The following SEMA3A variants were observed in gnomAD, a reference collection of about 807,000 sequenced individuals.
SEMA3A encodes the protein semaphorin 3A, also known as semaphorin-3A.
Under a neutral mutation model 97.9 loss-of-function variants are expected in SEMA3A, and 29 were observed. That is an observed-to-expected ratio of 0.30 (90% CI 0.22 to 0.40). SEMA3A has a LOEUF of 0.40. Ranked by LOEUF, SEMA3A falls within the 10% of genes least tolerant of loss-of-function variation. SEMA3A has a pLI of 1.00. For missense variants in SEMA3A, 763 were observed against 951.3 expected, an observed-to-expected ratio of 0.80 and a Z score of 2.60; for synonymous variants, 321 against 323.7, an observed-to-expected ratio of 0.99 and a Z score of 0.09.
chr7:84,386,966 C>A (rs573563162), intron 1 of SEMA3A, among the ~76,000 whole-genome samples: 1 of 152,052 alleles, frequency 6.6e-6, no homozygotes, highest in Non-Finnish European at 1.5e-5. Context: ...CACCACTGCA[C>A]TCCAGCCTGG....
intron 2 of SEMA3A, among the ~76,000 whole-genome samples, chr7:84,325,892 T>C (rs942841732): frequency 2.0e-5 from 3 of 152,208 alleles, no homozygotes; most frequent in Middle Eastern, 3.4e-3. Flanking sequence ...TTGTATCCTC[T>C]GGCCAACATC....
intron 3 of SEMA3A, among the ~76,000 whole-genome samples, chr7:84,204,551 TA>T (rs1482424886): frequency 2.0e-5 from 3 of 152,114 alleles, no homozygotes; most frequent in African/African-American, 7.2e-5. Context: ...AAATGCCCTT[TA>T]GGAGAAACAG....
chr7:84,419,019 CACTG>C (rs1329945732), intron 1 of SEMA3A, among the ~76,000 whole-genome samples: 2 of 151,840 alleles, frequency 1.3e-5, no homozygotes. Flanking sequence ...TTCTGGAGAA[CACTG>C]ACTAATACAA....
chr7:84,093,860 A>C (rs1794666720), intron 4 of SEMA3A, among the ~76,000 whole-genome samples: 1 of 151,938 alleles, frequency 6.6e-6, no homozygotes, highest in Non-Finnish European at 1.5e-5. Context: ...TTAGGTGATA[A>C]GTGCAGCAAA....
intron 1 of SEMA3A, among the ~76,000 whole-genome samples, chr7:84,435,689 C>A (rs868429768): frequency 6.6e-6 from 1 of 151,976 alleles, no homozygotes; most frequent in African/African-American, 2.4e-5. Context: ...CAAACAAATG[C>A]GAAAACATTC....
intron 11 of SEMA3A, among the ~76,000 whole-genome samples, chr7:84,002,430 CAA>C (rs1790498240): frequency 6.6e-6 from 1 of 152,068 alleles, no homozygotes; most frequent in East Asian, 1.9e-4. Flanking sequence ...ATCTCAGAAA[CAA>C]AACCTAAAAA....
At chr7:84,096,126 A>G (rs11976014) in intron 4 of SEMA3A, among the ~76,000 whole-genome samples, 62,650 of 151,784 alleles carry the variant, frequency 0.41, 14,801 homozygotes, top group Admixed American at 0.52. Flanking sequence ...TGTGGCTTTC[A>G]TTCCCTTTTA....
intron 1 of SEMA3A, among the ~76,000 whole-genome samples, chr7:84,405,545 G>A (rs973139106): frequency 2.0e-5 from 3 of 151,990 alleles, no homozygotes; most frequent in Non-Finnish European, 2.9e-5. Flanking sequence ...CCAAGTAGAC[G>A]TAATAGACAT....
At chr7:84,164,429 A>G (rs1288463841) in intron 1 of SEMA3A, among the ~76,000 whole-genome samples, 1 of 152,092 alleles carries the variant, frequency 6.6e-6, no homozygotes, top group Non-Finnish European at 1.5e-5. Flanking sequence ...ACATTTCTTT[A>G]TCATGTTTCT....
intron 3 of SEMA3A, among the ~76,000 whole-genome samples, chr7:84,224,120 T>G (rs775403733): frequency 2.0e-5 from 3 of 151,984 alleles, no homozygotes; most frequent in Non-Finnish European, 4.4e-5. Flanking sequence ...CCATCTTTAA[T>G]TTAATCATTC....
intron 15 of SEMA3A, among the ~76,000 whole-genome samples, chr7:83,967,253 C>T (rs1428521827): frequency 2.0e-5 from 3 of 152,094 alleles, no homozygotes; most frequent in African/African-American, 7.2e-5. Context: ...CAATAAATAT[C>T]CTTTCCATTT....
chr7:84,403,220 G>A (rs1404188965), intron 1 of SEMA3A, among the ~76,000 whole-genome samples: 1 of 152,138 alleles, frequency 6.6e-6, no homozygotes, highest in East Asian at 1.9e-4. Context: ...TTTCCAACGG[G>A]CTTAACAAAC....
At chr7:84,133,887 A>T (rs914513722) in intron 2 of SEMA3A, among the ~76,000 whole-genome samples, 3 of 53,886 alleles carry the variant, frequency 5.6e-5, no homozygotes, top group African/African-American at 8.5e-5. Context: ...CGTCTCTACT[A>T]AAAAAAAAAA....
intron 15 of SEMA3A, among the ~76,000 whole-genome samples, chr7:83,964,819 C>T (rs891956268): frequency 1.3e-5 from 2 of 152,110 alleles, no homozygotes; most frequent in Non-Finnish European, 2.9e-5. Context: ...ACATGCATAT[C>T]TTCATGTGCC....
At chr7:84,044,735 C>A (rs1032770943) in intron 6 of SEMA3A, among the ~76,000 whole-genome samples, 2 of 151,870 alleles carry the variant, frequency 1.3e-5, no homozygotes, top group African/African-American at 2.4e-5. Context: ...AGGCTATGAA[C>A]TTAGATATAT....
intron 2 of SEMA3A, among the ~76,000 whole-genome samples, chr7:84,333,023 A>T (rs1801944019): frequency 6.6e-6 from 1 of 152,130 alleles, no homozygotes; most frequent in East Asian, 1.9e-4. Flanking sequence ...GACTTGATTT[A>T]GGGAGTCAAT....
rs538711934 is a variant in SEMA3A at position 83,991,985 on chromosome 7, C to T, written c.1453-6508G>A. On this transcript the variant is annotated intron_variant, in intron 12 of 16. Transcript: ENST00000265362. ...TTGGTTGGTAAGCTATTGATTATTG[C>T]CACAATTTCAGATCCTGTTATTGGT... is the stretch of plus-strand genomic sequence containing the variant. Among the ~76,000 whole-genome samples the T allele has an allele frequency of 4.6e-3, 668 of 144,504 alleles. 6 individuals are homozygous for T. Among genetic ancestry groups the T allele is most frequent in the African/African-American group, 0.017 (637 of 38,222 alleles). The allele number at this position is 144,504 out of a possible 152,430, so 94.8% of individuals were successfully genotyped here.
At chr7:84,207,491 T>A in intron 3 of SEMA3A, among the ~76,000 whole-genome samples, 1 of 152,224 alleles carries the variant, frequency 6.6e-6, no homozygotes, top group Non-Finnish European at 1.5e-5. Context: ...AAGACCATTT[T>A]CTTACTTAAA....
intron 6 of SEMA3A, among the ~76,000 whole-genome samples, chr7:84,027,610 A>C (rs1351445492): frequency 6.6e-6 from 1 of 152,148 alleles, no homozygotes; most frequent in Non-Finnish European, 1.5e-5. Flanking sequence ...ATTACCCTTT[A>C]GGATACTTGG....
Sources: gnomAD v4.1 joint callset for allele counts (sites outside exome capture counted in the v4.1 genomes callset) on GRCh38, gnomAD v4.1.1 for gene constraint, MANE v1.5 for transcripts, NCBI Gene and HGNC (gene_info 2026-07-23, HGNC 2026-07-21) for gene names.